The following NFIB variants were observed in gnomAD, a reference collection of about 807,000 sequenced individuals.
NFIB encodes the protein nuclear factor I B, also known as nuclear factor 1 B-type.
In NFIB, 11 loss-of-function variants were observed where a neutral mutation model predicts 61.5. The ratio of observed to expected loss-of-function variants is 0.18; its 90% CI spans 0.11 to 0.30. The LOEUF is 0.30. NFIB is among the 10% of genes least tolerant of loss of function. The pLI, the probability that NFIB is intolerant of heterozygous loss-of-function variation, is 1.00. For synonymous variants in NFIB, 260 were observed against 216.5 expected (o/e 1.20, Z -1.76); for missense variants, 471 against 608.9 (o/e 0.77, Z 2.38).
At chr9:14,379,543 A>G (rs891087473) in intron 1 of NFIB, among the ~76,000 whole-genome samples, 3 of 152,148 alleles carry the variant, frequency 2.0e-5, no homozygotes, top group African/African-American at 7.2e-5. Flanking sequence ...CCTGACTCAT[A>G]AGGATCTCAA....
chr9:14,484,877 A>AC, the NFIB span, among the ~76,000 whole-genome samples: 1 of 152,108 alleles, frequency 6.6e-6, no homozygotes, highest in African/African-American at 2.4e-5. Flanking sequence ...ACAGAAATAT[A>AC]TTTTTTTCAA....
At chr9:14,278,520 T>C (rs2058158698) in intron 2 of NFIB, among the ~76,000 whole-genome samples, 2 of 152,174 alleles carry the variant, frequency 1.3e-5, no homozygotes. Context: ...ATGTATCCCC[T>C]CAGGCTGCCT....
At chr9:14,236,414 T>C (rs1302636064) in intron 2 of NFIB, among the ~76,000 whole-genome samples, 7 of 152,218 alleles carry the variant, frequency 4.6e-5, no homozygotes, top group African/African-American at 7.2e-5. Context: ...AAGCTGCTTA[T>C]GTTTGTAATT....
chr9:14,510,781 A>G, the NFIB span, among the ~76,000 whole-genome samples: 3 of 152,202 alleles, frequency 2.0e-5, no homozygotes, highest in African/African-American at 7.2e-5. Context: ...TGTCCACTAT[A>G]AAATGTTTGG....
At chr9:14,357,001 C>A (rs1414086966) in intron 1 of NFIB, among the ~76,000 whole-genome samples, 2 of 152,202 alleles carry the variant, frequency 1.3e-5, no homozygotes, top group Non-Finnish European at 2.9e-5. Flanking sequence ...TACTGGCTAA[C>A]TGAAGAGTGT....
chr9:14,255,889 T>C (rs1045623391), intron 2 of NFIB, among the ~76,000 whole-genome samples: 7 of 152,230 alleles, frequency 4.6e-5, no homozygotes, highest in African/African-American at 1.7e-4. Flanking sequence ...CCACACACTA[T>C]GCTAGCATAG....
At chr9:14,194,186 AAAAAG>A (rs1244265992) in intron 2 of NFIB, among the ~76,000 whole-genome samples, 1 of 152,202 alleles carries the variant, frequency 6.6e-6, no homozygotes, top group African/African-American at 2.4e-5. Context: ...TATTTACTGA[AAAAAG>A]AAAATGGGTT....
chr9:14,190,426 G>GA (rs541223601), intron 2 of NFIB, among the ~76,000 whole-genome samples: 32 of 152,170 alleles, frequency 2.1e-4, no homozygotes, highest in Middle Eastern at 3.4e-3. Flanking sequence ...AATATTAGAG[G>GA]AAAAAAATCA....
chr9:14,393,396 C>T (rs1303902020), intron 1 of NFIB, among the ~76,000 whole-genome samples: 1 of 152,132 alleles, frequency 6.6e-6, no homozygotes, highest in African/African-American at 2.4e-5. Context: ...CCTCTTTGAC[C>T]CTGCCCCCAA....
chr9:14,498,509 T>C, the NFIB span, among the ~76,000 whole-genome samples: 1 of 152,080 alleles, frequency 6.6e-6, no homozygotes, highest in Non-Finnish European at 1.5e-5. Flanking sequence ...ATGGACAAAA[T>C]AGGACAAAAC....
At chr9:14,513,146 T>C in the NFIB span, among the ~76,000 whole-genome samples, 1 of 152,172 alleles carries the variant, frequency 6.6e-6, no homozygotes, top group Non-Finnish European at 1.5e-5. Context: ...TCAGCATATA[T>C]TTATGTATTC....
At chr9:14,315,804 G>T (rs1016151726), upstream of NFIB, among the ~76,000 whole-genome samples, 2 of 151,934 alleles carry the variant, frequency 1.3e-5, no homozygotes, top group African/African-American at 4.8e-5. Flanking sequence ...GGACGAGGGG[G>T]AAGCAAAGGC....
At chr9:14,182,891 C>T (rs1227680779) in intron 2 of NFIB, among the ~76,000 whole-genome samples, 2 of 151,918 alleles carry the variant, frequency 1.3e-5, no homozygotes, top group Non-Finnish European at 2.9e-5. Context: ...CTTGTAAAAT[C>T]ATTGCAAGAT....
chr9:14,505,873 G>A, the NFIB span, among the ~76,000 whole-genome samples: 120 of 152,198 alleles, frequency 7.9e-4, no homozygotes, highest in African/African-American at 2.7e-3. Context: ...CGTATATCAT[G>A]ACTGAAAACC....
At chr9:14,198,226 C>G (rs1013533045) in intron 2 of NFIB, among the ~76,000 whole-genome samples, 1 of 152,130 alleles carries the variant, frequency 6.6e-6, no homozygotes, top group African/African-American at 2.4e-5. Flanking sequence ...TCACACTGCA[C>G]GTCTCCAAGG....
chr9:14,194,377 T>A (rs4551459), intron 2 of NFIB, among the ~76,000 whole-genome samples: 2 of 151,980 alleles, frequency 1.3e-5, no homozygotes, highest in Non-Finnish European at 2.9e-5. Context: ...CTAAAAACCA[T>A]AGGAATAATG....
chr9:14,227,226 A>T (rs535065181), intron 2 of NFIB, among the ~76,000 whole-genome samples: 2 of 152,166 alleles, frequency 1.3e-5, no homozygotes, highest in Non-Finnish European at 2.9e-5. Flanking sequence ...TACCAATTTT[A>T]AAAGCTAATT....
the NFIB span, among the ~76,000 whole-genome samples, chr9:14,459,503 C>T: frequency 6.6e-6 from 1 of 152,182 alleles, no homozygotes; most frequent in Non-Finnish European, 1.5e-5. Context: ...CAACAAAAGC[C>T]AAAATTGACA....
intron 4 of NFIB, among the ~76,000 whole-genome samples, chr9:14,153,063 T>G (rs1321947924): frequency 6.6e-6 from 1 of 152,120 alleles, no homozygotes; most frequent in African/African-American, 2.4e-5. Flanking sequence ...GATAAATGTT[T>G]GAGATGACAG....
Sources: gnomAD v4.1 joint callset for allele counts (sites outside exome capture counted in the v4.1 genomes callset) on GRCh38, gnomAD v4.1.1 for gene constraint, MANE v1.5 for transcripts, NCBI Gene and HGNC (gene_info 2026-07-23, HGNC 2026-07-21) for gene names.